The following TRPM1 variants were observed in gnomAD, a reference collection of about 807,000 sequenced individuals.
TRPM1 encodes transient receptor potential cation channel subfamily M member 1, also known as TRPM1-203 APA Isoform, Intron 10.
TRPM1 carries 113 observed loss-of-function variants against 149.4 expected under a neutral mutation model. That is an observed-to-expected ratio of 0.76 (90% CI 0.65 to 0.88). The LOEUF (loss-of-function observed/expected upper bound fraction) is 0.88. TRPM1 is among the 40% of genes least tolerant of loss of function. The probability of loss-of-function intolerance (pLI) is 0.00; values close to 1 mark genes in which losing one functional copy is unlikely to be tolerated. For missense variants in TRPM1, 1,976 were observed against 2,038.7 expected, an observed-to-expected ratio of 0.97 and a Z score of 0.59; for synonymous variants, 741 against 759.5, an observed-to-expected ratio of 0.98 and a Z score of 0.40.
At chr15:31,044,118 A>G (rs1490921635) in intron 16 of TRPM1, among the ~76,000 whole-genome samples, 2 of 152,250 alleles carry the variant, frequency 1.3e-5, no homozygotes, top group African/African-American at 4.8e-5. Flanking sequence ...TTTGAAATAC[A>G]CTTCTAAATA....
intron 19 of TRPM1, 47 bp downstream of exon 19, chr15:31,037,997 G>T: frequency 2.5e-6 from 4 of 1,613,620 alleles, no homozygotes; most frequent in Non-Finnish European, 3.4e-6. Context: ...CAACAATTTT[G>T]AAAACAAGAT....
intron 27 of TRPM1, among the ~76,000 whole-genome samples, chr15:31,017,764 G>A (rs919227536): frequency 2.0e-5 from 3 of 152,166 alleles, no homozygotes; most frequent in African/African-American, 4.8e-5. Flanking sequence ...CATACTTTTT[G>A]TTAAGGGGTT....
At chr15:31,131,902 A>C (rs62038949) in intron 1 of TRPM1, among the ~76,000 whole-genome samples, 5,461 of 151,032 alleles carry the variant, frequency 0.036, 174 homozygotes, top group Non-Finnish European at 0.049. Context: ...TCACATACTA[A>C]AATGACAGCT....
In TRPM1 at chr15:31,002,301, C is replaced by T; in HGVS notation, c.4399G>A (p.Gly1467Arg). 2 of 1,614,186 alleles carry T rather than the reference C, an allele frequency of 1.2e-6. No individual in the cohort carries two copies. Among genetic ancestry groups the T allele is most frequent in the Non-Finnish European group, 1.7e-6 (2 of 1,180,040 alleles). The change falls in exon 28 of 28, where the codon GGA (glycine) becomes AGA (arginine). Residue 1467 changes from glycine (G) to arginine (R), a missense_variant. Around this residue, in one of 3 missense-constraint regions of TRPM1, gnomAD observed 572 missense variants for 578.9 expected, o/e 0.99. Transcript: ENST00000256552. ...MKSRSFVYSRGRKLVGGVNQD... is the reference protein window; with the variant it reads ...MKSRSFVYSRRRKLVGGVNQD... ...TTAACCCCACCGACCAGCTTTCTTC[C>T]CCGGGAATAGACGAAGCTTCTGGAC...
Position 31,062,510 on chromosome 15 carries a change from G to A in TRPM1, c.1089+69C>T, listed in dbSNP as rs76020129. 2.2e-3 allele frequency: 3,547 copies of A among 1,592,980 alleles called. 72 individuals are homozygous for A. In the African/African-American group the frequency reaches 0.039, roughly 18 times the overall value. ...TGAATAACCCTGTCATGCACACATGGGCGGAATTAGAAAAGGAAACATAAT... is the reference window on the plus strand; with the variant it reads ...TGAATAACCCTGTCATGCACACATGAGCGGAATTAGAAAAGGAAACATAAT... On this transcript the variant is annotated intron_variant, in intron 9 of 27. Coordinates refer to ENST00000256552, the MANE Select transcript of TRPM1 (RefSeq NM_001252024.2).
chr15:31,061,248 C>T (rs2034223049), intron 10 of TRPM1, among the ~76,000 whole-genome samples, 194 bp downstream of exon 10: 1 of 152,230 alleles, frequency 6.6e-6, no homozygotes, highest in Non-Finnish European at 1.5e-5. Flanking sequence ...GGTCCAGGAG[C>T]ACCCACAGAC....
intron 25 of TRPM1, 69 bp downstream of exon 25, chr15:31,028,263 T>C: frequency 6.3e-7 from 1 of 1,597,026 alleles, no homozygotes; most frequent in Non-Finnish European, 8.6e-7. Flanking sequence ...TTGGGAGCGT[T>C]CTGAGATTAA....
At chr15:31,149,560 C>G (rs1430295920) in intron 1 of TRPM1, among the ~76,000 whole-genome samples, 3 of 145,364 alleles carry the variant, frequency 2.1e-5, no homozygotes, top group Non-Finnish European at 4.5e-5. Context: ...GAGTCTTTCG[C>G]CCAGGCTGGA....
intron 24 of TRPM1, 126 bp from the exon 25 acceptor site, chr15:31,028,602 T>TC: frequency 8.0e-7 from 1 of 1,242,830 alleles, no homozygotes. Context: ...ATAAGCAATA[T>TC]TTTTTCCATG....
At chr15:31,118,992 C>A (rs1020248273) in intron 1 of TRPM1, among the ~76,000 whole-genome samples, 10 of 152,116 alleles carry the variant, frequency 6.6e-5, no homozygotes, top group African/African-American at 2.4e-4. Context: ...GTAATCCCAG[C>A]ACTTTGGGAG....
intron 27 of TRPM1, among the ~76,000 whole-genome samples, chr15:31,025,559 C>T (rs2032695219): frequency 6.6e-6 from 1 of 152,164 alleles, no homozygotes; most frequent in Non-Finnish European, 1.5e-5. Flanking sequence ...CTGGGTACTG[C>T]GGATGTGAAG....
intron 6 of TRPM1, among the ~76,000 whole-genome samples, chr15:31,066,689 A>T (rs1275513290): frequency 6.6e-6 from 1 of 152,220 alleles, no homozygotes; most frequent in Non-Finnish European, 1.5e-5. Flanking sequence ...GTGAAAAAAA[A>T]GCCAATCCCC....
At chr15:31,149,620 C>T (rs188072) in intron 1 of TRPM1, among the ~76,000 whole-genome samples, 2 of 151,020 alleles carry the variant, frequency 1.3e-5, no homozygotes, top group South Asian at 2.1e-4. Flanking sequence ...CCCGGGTTCA[C>T]GCCATTCTCC....
chr15:31,076,545 T>C (rs1281963761), intron 3 of TRPM1, among the ~76,000 whole-genome samples: 1 of 152,230 alleles, frequency 6.6e-6, no homozygotes, highest in Non-Finnish European at 1.5e-5. Flanking sequence ...TTTCCTGTGA[T>C]GGAAATTCCT....
chr15:31,120,306 G>A (rs145041117), intron 1 of TRPM1, among the ~76,000 whole-genome samples: 21 of 152,056 alleles, frequency 1.4e-4, no homozygotes, highest in African/African-American at 5.1e-4. Context: ...GGGATAAATA[G>A]GACATTACAT....
rs565729560 is a variant in TRPM1, at chr15:31,010,978, T to C, written c.3630-7908A>G. On this transcript the variant is annotated intron_variant, in intron 27 of 27. Coordinates refer to ENST00000256552, the MANE Select transcript of TRPM1 (RefSeq NM_001252024.2). ...TGGGTGCATATATGTTTATAATTGT[T>C]ATATCTTTTTGATATAGTTACCTTT... Among the ~76,000 whole-genome samples, 5 of 152,354 alleles carry C rather than the reference T, an allele frequency of 3.3e-5. No homozygotes were observed. The South Asian group carries it at 1.0e-3, about 32-fold the overall frequency.
chr15:31,068,608 G>T (rs2034446962), intron 4 of TRPM1, among the ~76,000 whole-genome samples: 1 of 151,980 alleles, frequency 6.6e-6, no homozygotes, highest in Admixed American at 6.6e-5. Flanking sequence ...GCCAGGTGTG[G>T]TAGCGCATAC....
chr15:31,101,984 C>A (rs2035526696), upstream of TRPM1, among the ~76,000 whole-genome samples: 1 of 152,228 alleles, frequency 6.6e-6, no homozygotes, highest in South Asian at 2.1e-4. Context: ...TCCCACCCAG[C>A]CGCCCTTCCC....
At chr15:31,091,608 G>A (rs1375509890) in intron 1 of TRPM1, among the ~76,000 whole-genome samples, 1 of 152,108 alleles carries the variant, frequency 6.6e-6, no homozygotes, top group Non-Finnish European at 1.5e-5. Context: ...GGGTGGGAGT[G>A]GTCCTACAGA....
Sources: allele counts gnomAD v4.1 joint callset (sites outside exome capture counted in the v4.1 genomes callset), GRCh38; gene constraint gnomAD v4.1.1; regional missense constraint gnomAD v4.1.1; transcripts MANE v1.5; gene names NCBI Gene and HGNC (gene_info 2026-07-23, HGNC 2026-07-21).